Variants in CSF1R observed in about 807,000 individuals in gnomAD.
The protein encoded by CSF1R is macrophage colony-stimulating factor 1 receptor.
CSF1R carries 40 observed loss-of-function variants against 110.0 expected under a neutral mutation model. The ratio of observed to expected loss-of-function variants is 0.36; its 90% CI spans 0.28 to 0.47. CSF1R has a LOEUF of 0.47. CSF1R is among the 20% of genes least tolerant of loss of function. CSF1R has a pLI of 0.99. For missense variants in CSF1R, 1,052 were observed against 1,253.0 expected (o/e 0.84, Z 2.42); for synonymous variants, 523 against 503.4 (o/e 1.04, Z -0.52).
chr5:150,088,816 G>A (rs1447338473), upstream of CSF1R, among the ~76,000 whole-genome samples: 1 of 152,124 alleles, frequency 6.6e-6, no homozygotes, highest in Non-Finnish European at 1.5e-5. Context: ...TTACAGGCGT[G>A]AGCCACTGCA....
Position 150,061,473 on chromosome 5 carries a change from T to TCCCCCCCC in CSF1R, c.1858+17_1858+18insGGGGGGGG. 1 of 471,928 alleles carries TCCCCCCCC rather than the reference T, an allele frequency of 2.1e-6. No homozygotes were observed. Among genetic ancestry groups the TCCCCCCCC allele is most frequent in the Non-Finnish European group, 3.5e-6 (1 of 287,174 alleles). The allele number at this position is 471,928 out of a possible 1,614,324, so 29.2% of individuals were successfully genotyped here. ...CTACCACCCCCCATCCCTTCCCTCA[T>TCCCCCCCC]CCCCTCCCCTCACTCACACTTCAGC... On this transcript the variant is annotated intron_variant, in intron 12 of 20. Coordinates refer to ENST00000675795, the MANE Select transcript of CSF1R (RefSeq NM_001288705.3).
At chr5:150,069,280 G>A (rs1293703605) in intron 9 of CSF1R, among the ~76,000 whole-genome samples, 2 of 152,290 alleles carry the variant, frequency 1.3e-5, no homozygotes, top group East Asian at 3.9e-4. Context: ...GTGGGCCTCT[G>A]AGAATCACAG....
At chr5:150,106,688 C>T (rs1378941354) in intron 1 of CSF1R, among the ~76,000 whole-genome samples, 1 of 152,182 alleles carries the variant, frequency 6.6e-6, no homozygotes, top group African/African-American at 2.4e-5. Context: ...TACCCTGTAG[C>T]AGGGCTTACA....
intron 1 of CSF1R, chr5:150,094,355 T>C: frequency 6.3e-7 from 1 of 1,599,890 alleles, no homozygotes; most frequent in African/African-American, 1.3e-5. Context: ...CAGAAACCCT[T>C]AAGAAAAAGC....
chr5:150,056,930 T>C (rs1295290640), intron 16 of CSF1R, among the ~76,000 whole-genome samples: 1 of 152,170 alleles, frequency 6.6e-6, no homozygotes, highest in Non-Finnish European at 1.5e-5. Context: ...TTATACGTTA[T>C]CTAATATCCC....
chr5:150,093,737 T>C (rs1759119090), intron 1 of CSF1R, among the ~76,000 whole-genome samples: 1 of 152,218 alleles, frequency 6.6e-6, no homozygotes, highest in South Asian at 2.1e-4. Context: ...TATACACATG[T>C]ATCAAAACAT....
At chr5:150,094,400 G>A in intron 1 of CSF1R, 1 of 1,599,520 alleles carries the variant, frequency 6.3e-7, no homozygotes, top group Non-Finnish European at 8.5e-7. Context: ...TGAAGCGCCT[G>A]AGAAAGAAGT....
In CSF1R at chr5:150,070,015, C is replaced by T; in HGVS notation, c.1368G>A (p.Glu456=). 1 of 1,614,146 alleles carries T rather than the reference C, an allele frequency of 6.2e-7. No homozygotes were observed. Among genetic ancestry groups the T allele is most frequent in the Non-Finnish European group, 8.5e-7 (1 of 1,179,994 alleles). The change falls in exon 9 of 21, where the codon GAG becomes GAA. Residue 456 remains glutamate, a synonymous_variant. Transcript: ENST00000675795. ...VLQVWDDPYP[E]VLSQEPFHKV... ...TGTGGAAGGGCTCCTGGCTCAGGAC[C>T]TCAGGGTATGGGTCATCCCAGACCT...
At chr5:150,098,863 T>G (rs1052127264) in intron 1 of CSF1R, among the ~76,000 whole-genome samples, 8 of 150,562 alleles carry the variant, frequency 5.3e-5, no homozygotes, top group African/African-American at 1.5e-4. Flanking sequence ...CAGTTTCAAG[T>G]GCTGATAAGG....
At chr5:150,066,382 G>A (rs919103132) in intron 10 of CSF1R, among the ~76,000 whole-genome samples, 4 of 152,198 alleles carry the variant, frequency 2.6e-5, no homozygotes, top group Non-Finnish European at 4.4e-5. Flanking sequence ...CTTGGCAGAG[G>A]CAGGATTTGG....
At chr5:150,077,149 TAAAC>T in intron 5 of CSF1R, 123 bp downstream of exon 5, 1 of 1,280,876 alleles carries the variant, frequency 7.8e-7, no homozygotes, top group Non-Finnish European at 1.1e-6. Flanking sequence ...AGGCCTTGGA[TAAAC>T]AAACTCCAGC....
intron 1 of CSF1R, chr5:150,094,221 C>T (rs1202853856): frequency 1.2e-6 from 1 of 812,734 alleles, no homozygotes; most frequent in African/African-American, 1.7e-5. Flanking sequence ...AAGACAGAAT[C>T]AATTTTACAA....
chr5:150,070,522 G>C lies in CSF1R; in HGVS notation c.1132C>G (p.Arg378Gly), dbSNP rs570645140. 5.2e-6 allele frequency: 8 copies of C among 1,552,958 alleles called. No homozygotes were observed. In the South Asian group the frequency reaches 9.5e-5, roughly 19 times the overall value. The stretch of plus-strand genomic sequence containing the variant: ...GGGTTTCTGGCCAGGAAGGAGTAGC[G>C]GCCAGCCTCAGAGGGCTTCAGGCGG... ...LPRLKPSEAG[R>G]YSFLARNPGG... The change falls in exon 7 of 21, where the codon CGC becomes GGC. Residue 378 changes from arginine to glycine, a missense_variant. Arg to Gly is a moderately radical substitution (Grantham distance 125, BLOSUM62 -2). This residue lies in a region of CSF1R where 693 missense variants were observed against 735.4 expected (regional missense o/e 0.94). Transcript: ENST00000675795.
At chr5:150,066,605 C>T (rs919301699) in intron 10 of CSF1R, among the ~76,000 whole-genome samples, 16 of 152,226 alleles carry the variant, frequency 1.1e-4, no homozygotes, top group Admixed American at 2.0e-4. Flanking sequence ...ACCGGGGCTG[C>T]CCTCAGAGCA....
At chr5:150,096,458 G>T (rs767561309) in intron 1 of CSF1R, among the ~76,000 whole-genome samples, 1 of 152,184 alleles carries the variant, frequency 6.6e-6, no homozygotes, top group Non-Finnish European at 1.5e-5. Flanking sequence ...TAGCATAGGA[G>T]AGATGACTTT....
At chr5:150,076,153 A>G (rs1176684346) in intron 5 of CSF1R, among the ~76,000 whole-genome samples, 1 of 151,956 alleles carries the variant, frequency 6.6e-6, no homozygotes, top group African/African-American at 2.4e-5. Context: ...TCTCTTCCTC[A>G]TCCCTGCATC....
intron 1 of CSF1R, among the ~76,000 whole-genome samples, chr5:150,097,268 A>AGAAG (rs113029279): frequency 0.6 from 85,661 of 142,756 alleles, 26,157 homozygotes; most frequent in Middle Eastern, 0.69. Context: ...AGAAAGGGAA[A>AGAAG]GAAGGAAGGA....
Position 150,057,498 on chromosome 5 carries a change from C to T in CSF1R, c.2221+6G>A, listed in dbSNP as rs1757277535. The T allele has an allele frequency of 1.2e-6, 2 of 1,613,942 alleles. No individual in the cohort carries two copies. Among genetic ancestry groups the T allele is most frequent in the East Asian group, 2.2e-5 (1 of 44,900 alleles). On this transcript the variant is annotated splice_donor_region_variant and intron_variant, in intron 15 of 20. Transcript: ENST00000675795. ...CAAATGGGGCCTGGCCCTGGGACCT[C>T]CTCACCTTGCTCAGAGAAGGAGTCA...
In CSF1R at chr5:150,070,164, T is replaced by C. The variant is rs200882458; in HGVS notation, c.1319+18A>G. The C allele has an allele frequency of 6.2e-7, 1 of 1,611,578 alleles. No individual in the cohort carries two copies. The highest frequency in any genetic ancestry group is 8.5e-7 in the Non-Finnish European group (1 of 1,178,724). Reference sequence around the variant, plus strand: ...AGCCCCTGAGCCCAGGTGAGGGAGGTGAGTGGAGCCCACTTACCTATCAGT... The same window carrying C: ...AGCCCCTGAGCCCAGGTGAGGGAGGCGAGTGGAGCCCACTTACCTATCAGT... On this transcript the variant is annotated intron_variant, in intron 8 of 20. Coordinates refer to ENST00000675795, the MANE Select transcript of CSF1R (RefSeq NM_001288705.3).
Sources: allele counts gnomAD v4.1 joint callset (sites outside exome capture counted in the v4.1 genomes callset), GRCh38; gene constraint gnomAD v4.1.1; regional missense constraint gnomAD v4.1.1; transcripts MANE v1.5; gene names NCBI Gene and HGNC (gene_info 2026-07-23, HGNC 2026-07-21).